MGAT4C: variants seen among roughly 807,000 people sequenced by gnomAD.
The protein encoded by MGAT4C is alpha-1,3-mannosyl-glycoprotein 4-beta-N-acetylglucosaminyltransferase C.
Under a neutral mutation model 40.1 loss-of-function variants are expected in MGAT4C, and 19 were observed. The ratio of observed to expected loss-of-function variants is 0.47; its 90% CI spans 0.33 to 0.70. The LOEUF (loss-of-function observed/expected upper bound fraction) is 0.70. Ranked by LOEUF, MGAT4C falls within the 30% of genes least tolerant of loss-of-function variation. The pLI, the probability that MGAT4C is intolerant of heterozygous loss-of-function variation, is 0.02. For missense variants in MGAT4C, 491 were observed against 563.2 expected (o/e 0.87, Z 1.30); for synonymous variants, 181 against 187.1 (o/e 0.97, Z 0.27).
intron 2 of MGAT4C, among the ~76,000 whole-genome samples, chr12:86,447,638 A>T (rs1440817043): frequency 6.6e-6 from 1 of 152,142 alleles, no homozygotes; most frequent in Admixed American, 6.6e-5. Context: ...CTTCTCCTAT[A>T]CAGTAAGATT....
intron 1 of MGAT4C, among the ~76,000 whole-genome samples, chr12:86,833,875 T>A (rs559924780): frequency 5.8e-4 from 88 of 152,024 alleles, no homozygotes; most frequent in Non-Finnish European, 1.0e-3. Context: ...TTACTATTTG[T>A]CTGACATTAT....
At chr12:86,489,555 T>C (rs957584127) in intron 2 of MGAT4C, among the ~76,000 whole-genome samples, 4 of 152,146 alleles carry the variant, frequency 2.6e-5, no homozygotes, top group African/African-American at 9.7e-5. Context: ...TAAAAGAGCA[T>C]TGTAACATGC....
chr12:86,795,866 CA>C (rs1222340037), intron 1 of MGAT4C, among the ~76,000 whole-genome samples: 3 of 151,914 alleles, frequency 2.0e-5, no homozygotes, highest in African/African-American at 7.2e-5. Flanking sequence ...CTGCTTTCTG[CA>C]GATCTTTTTA....
chr12:86,787,823 C>A (rs890671178), intron 1 of MGAT4C, among the ~76,000 whole-genome samples: 1 of 152,148 alleles, frequency 6.6e-6, no homozygotes, highest in Admixed American at 6.6e-5. Flanking sequence ...TCACAGCTCA[C>A]TGCAGCCTCC....
chr12:86,736,485 G>C (rs1950987440), intron 1 of MGAT4C, among the ~76,000 whole-genome samples: 1 of 151,344 alleles, frequency 6.6e-6, no homozygotes, highest in Non-Finnish European at 1.5e-5. Context: ...TATCTTATTT[G>C]TATAGTATAT....
intron 3 of MGAT4C, among the ~76,000 whole-genome samples, chr12:86,398,773 T>C (rs1439887051): frequency 6.6e-6 from 1 of 151,394 alleles, no homozygotes; most frequent in Non-Finnish European, 1.5e-5. Flanking sequence ...TGTCTTGGAG[T>C]TGGACATAAA....
At chr12:86,245,173 A>G (rs1257883459) in intron 1 of MGAT4C, among the ~76,000 whole-genome samples, 6 of 151,996 alleles carry the variant, frequency 3.9e-5, no homozygotes, top group Non-Finnish European at 7.4e-5. Context: ...AGAAACACCA[A>G]CTCATCCTAT....
intron 2 of MGAT4C, among the ~76,000 whole-genome samples, chr12:86,589,889 C>T (rs1416273884): frequency 6.6e-6 from 1 of 151,930 alleles, no homozygotes; most frequent in Non-Finnish European, 1.5e-5. Context: ...AAGCACAAGG[C>T]CTAAATCAGA....
intron 3 of MGAT4C, among the ~76,000 whole-genome samples, chr12:86,404,678 C>T (rs377226687): frequency 1.3e-5 from 2 of 151,996 alleles, no homozygotes; most frequent in African/African-American, 2.4e-5. Context: ...TAATTTATAA[C>T]AGCAGACACA....
At chr12:86,420,845 G>A (rs1335488249) in intron 3 of MGAT4C, among the ~76,000 whole-genome samples, 1 of 144,946 alleles carries the variant, frequency 6.9e-6, no homozygotes, top group Non-Finnish European at 1.5e-5. Flanking sequence ...ACACACATAT[G>A]TATATACATA....
chr12:86,392,368 A>C (rs924647311), intron 3 of MGAT4C, among the ~76,000 whole-genome samples: 10 of 152,196 alleles, frequency 6.6e-5, no homozygotes, highest in African/African-American at 2.4e-4. Flanking sequence ...GCTACTTGGG[A>C]GGCTGAGGCA....
chr12:85,981,415 A>C (rs969172807), intron 4 of MGAT4C, among the ~76,000 whole-genome samples: 4 of 152,150 alleles, frequency 2.6e-5, no homozygotes, highest in African/African-American at 4.8e-5. Context: ...GCACCTGTAT[A>C]ATGCGGTTTG....
At chr12:86,664,317 C>T (rs1437869932) in intron 2 of MGAT4C, among the ~76,000 whole-genome samples, 1 of 151,982 alleles carries the variant, frequency 6.6e-6, no homozygotes, top group Admixed American at 6.6e-5. Flanking sequence ...TTCCTTCTTC[C>T]CCTTTGCAGG....
chr12:86,525,862 C>T (rs1186556351), intron 2 of MGAT4C, among the ~76,000 whole-genome samples: 1 of 152,164 alleles, frequency 6.6e-6, no homozygotes, highest in Admixed American at 6.5e-5. Context: ...GGCCACTATG[C>T]TCTGATGGGT....
At chr12:86,260,652 G>A (rs1191170011), upstream of MGAT4C, among the ~76,000 whole-genome samples, 1 of 152,068 alleles carries the variant, frequency 6.6e-6, no homozygotes, top group Non-Finnish European at 1.5e-5. Flanking sequence ...TCAGAGCATA[G>A]AGTGTAAGTC....
chr12:86,651,605 T>C (rs1169993309), intron 2 of MGAT4C, among the ~76,000 whole-genome samples: 1 of 151,886 alleles, frequency 6.6e-6, no homozygotes, highest in Non-Finnish European at 1.5e-5. Flanking sequence ...TAATGATCAC[T>C]TTTCTTCCCC....
rs1481292462 is a variant in MGAT4C, at chr12:86,603,747, AT to A, written c.-229+123461del. On this transcript the variant is annotated intron_variant, in intron 2 of 7. Coordinates refer to the MGAT4C transcript ENST00000548651. The stretch of plus-strand genomic sequence containing the variant: ...TACTATATAATTATATATACTATAT[AT>A]TATATATAATATATAGTATAATTAT... Among the ~76,000 whole-genome samples, 5 of 132,220 alleles carry A rather than the reference AT, an allele frequency of 3.8e-5. No individual in the cohort carries two copies. The East Asian group carries it at 8.5e-4, about 22-fold the overall frequency. The allele number at this position is 132,220 out of a possible 152,430, so 86.7% of individuals were successfully genotyped here.
At chr12:86,281,319 TC>T (rs1953213249) in intron 4 of MGAT4C, among the ~76,000 whole-genome samples, 1 of 151,934 alleles carries the variant, frequency 6.6e-6, no homozygotes, top group Admixed American at 6.6e-5. Context: ...TTCTCTATTT[TC>T]CCCTTCCTAT....
intron 1 of MGAT4C, among the ~76,000 whole-genome samples, chr12:86,157,858 C>T (rs891949783): frequency 1.3e-5 from 2 of 152,120 alleles, no homozygotes; most frequent in African/African-American, 4.8e-5. Flanking sequence ...TCAGGCTCCT[C>T]CTCCGACATG....
Sources: gnomAD v4.1 joint callset for allele counts (sites outside exome capture counted in the v4.1 genomes callset) on GRCh38, gnomAD v4.1.1 for gene constraint, MANE v1.5 for transcripts, NCBI Gene and HGNC (gene_info 2026-07-23, HGNC 2026-07-21) for gene names.